The following ANKS1B variants were observed in gnomAD, a reference collection of about 807,000 sequenced individuals.
The protein encoded by ANKS1B is ankyrin repeat and sterile alpha motif domain-containing protein 1B.
Under a neutral mutation model 148.3 loss-of-function variants are expected in ANKS1B, and 36 were observed. The observed-to-expected ratio is 0.24, with a 90% CI of 0.19 to 0.32. The LOEUF (loss-of-function observed/expected upper bound fraction) is 0.32. Among genes scored for constraint, ANKS1B ranks in the 10% least tolerant of loss-of-function variants. ANKS1B has a pLI of 1.00. For missense variants in ANKS1B, 1,157 were observed against 1,542.6 expected (o/e 0.75, Z 4.19); for synonymous variants, 542 against 560.8 (o/e 0.97, Z 0.47).
chr12:99,474,293 G>T (rs1393823805), intron 10 of ANKS1B, among the ~76,000 whole-genome samples: 1 of 151,752 alleles, frequency 6.6e-6, no homozygotes, highest in African/African-American at 2.4e-5. Flanking sequence ...TGTTCATTAA[G>T]GTTTGATAAA....
At chr12:98,974,562 A>T (rs2099888993) in intron 17 of ANKS1B, among the ~76,000 whole-genome samples, 1 of 152,192 alleles carries the variant, frequency 6.6e-6, no homozygotes, top group African/African-American at 2.4e-5. Flanking sequence ...AAACAGTATA[A>T]AAAGGTAAAC....
Position 99,081,124 on chromosome 12 carries a change from T to C in ANKS1B, c.2625+3801A>G, listed in dbSNP as rs76767038. On this transcript the variant is annotated intron_variant, in intron 16 of 26. Coordinates refer to ENST00000683438, the MANE Select transcript of ANKS1B (RefSeq NM_001352186.2). The stretch of plus-strand genomic sequence containing the variant: ...CTTCGCATTGGTGAATATTTCAGTA[T>C]TAAAAAAGACATATTAAAGAATAGC... 4.0e-3 allele frequency among the ~76,000 whole-genome samples: 609 copies of C among 152,288 alleles called. 24 individuals carry two copies. The East Asian group carries it at 0.084, about 21-fold the overall frequency.
At chr12:99,394,796 T>C (rs1036824162) in intron 12 of ANKS1B, among the ~76,000 whole-genome samples, 3 of 152,188 alleles carry the variant, frequency 2.0e-5, no homozygotes, top group Non-Finnish European at 2.9e-5. Context: ...GCATATCATC[T>C]GTATAATGAC....
chr12:98,873,342 G>C (rs1211212915), intron 17 of ANKS1B, among the ~76,000 whole-genome samples: 2 of 152,240 alleles, frequency 1.3e-5, no homozygotes, highest in African/African-American at 2.4e-5. Context: ...AGACTTACTC[G>C]TTAAGTGTTT....
At chr12:98,890,780 AAG>A (rs1026391333) in intron 17 of ANKS1B, among the ~76,000 whole-genome samples, 2 of 152,240 alleles carry the variant, frequency 1.3e-5, no homozygotes, top group African/African-American at 4.8e-5. Context: ...TTGCCAAGAA[AAG>A]AGTGTTGGTC....
intron 12 of ANKS1B, among the ~76,000 whole-genome samples, chr12:99,384,854 G>C (rs2093793129): frequency 6.6e-6 from 1 of 152,080 alleles, no homozygotes. Flanking sequence ...TTTTGTGAGA[G>C]GGGAGCATGT....
chr12:99,184,911 A>C (rs564894610), intron 14 of ANKS1B, among the ~76,000 whole-genome samples: 1 of 152,350 alleles, frequency 6.6e-6, no homozygotes, highest in African/African-American at 2.4e-5. Flanking sequence ...AAATTGATGA[A>C]AAATTCTTAG....
intron 16 of ANKS1B, among the ~76,000 whole-genome samples, chr12:99,061,529 T>A (rs1185717232): frequency 6.6e-6 from 1 of 152,214 alleles, no homozygotes; most frequent in African/African-American, 2.4e-5. Flanking sequence ...AGTAGTGCTT[T>A]GGAGGATGAC....
intron 14 of ANKS1B, among the ~76,000 whole-genome samples, chr12:99,221,918 TGATAGGGA>T (rs1484500229): frequency 6.6e-6 from 1 of 152,150 alleles, no homozygotes; most frequent in Admixed American, 6.5e-5. Context: ...CCATTGTTAT[TGATAGGGA>T]GATAGTTAAA....
At chr12:99,701,790 A>T (rs772793112) in intron 8 of ANKS1B, among the ~76,000 whole-genome samples, 7 of 152,110 alleles carry the variant, frequency 4.6e-5, no homozygotes, top group Non-Finnish European at 8.8e-5. Context: ...GAGAACATGC[A>T]AAGTTTGTCT....
intron 12 of ANKS1B, among the ~76,000 whole-genome samples, chr12:99,352,281 T>G (rs2152390688): frequency 6.6e-6 from 1 of 152,124 alleles, no homozygotes; most frequent in East Asian, 1.9e-4. Context: ...CAATAAACAT[T>G]TAATAAATAC....
At chr12:99,349,472 T>G (rs2152378457) in intron 12 of ANKS1B, among the ~76,000 whole-genome samples, 3 of 151,978 alleles carry the variant, frequency 2.0e-5, no homozygotes, top group Middle Eastern at 6.8e-3. Context: ...GGTTGAAAGT[T>G]AAAGGATAGA....
chr12:98,999,402 A>G (rs1374920465), intron 17 of ANKS1B, among the ~76,000 whole-genome samples: 2 of 152,040 alleles, frequency 1.3e-5, no homozygotes, highest in East Asian at 3.9e-4. Context: ...TGCCCTGGTC[A>G]TTCTGTTTCC....
Position 98,835,218 on chromosome 12 carries a change from A to C in ANKS1B, c.2779-3082T>G, listed in dbSNP as rs570070076. Reference sequence around the variant, plus strand: ...CTTTTGGTTTACTCTCCCACAACTCAATTTTGGGCAGGTTACCTGACTCCT... The same window carrying C: ...CTTTTGGTTTACTCTCCCACAACTCCATTTTGGGCAGGTTACCTGACTCCT... On this transcript the variant is annotated intron_variant, in intron 17 of 26. Transcript: ENST00000683438. 2.6e-5 allele frequency among the ~76,000 whole-genome samples: 4 copies of C among 152,218 alleles called. No homozygotes were observed. The South Asian group carries it at 8.3e-4, about 32-fold the overall frequency.
chr12:99,398,517 T>C (rs2094315716), intron 12 of ANKS1B, among the ~76,000 whole-genome samples: 1 of 152,166 alleles, frequency 6.6e-6, no homozygotes, highest in African/African-American at 2.4e-5. Flanking sequence ...AGTAATTGTT[T>C]ACTTACATGA....
chr12:99,280,862 CTCTGTCTG>C (rs201155175), intron 12 of ANKS1B, among the ~76,000 whole-genome samples: 3 of 150,968 alleles, frequency 2.0e-5, no homozygotes, highest in Admixed American at 6.6e-5. Flanking sequence ...CTCTCTCTCT[CTCTGTCTG>C]TCTCTCTCTC....
chr12:99,972,544 A>T (rs536712733), intron 1 of ANKS1B, among the ~76,000 whole-genome samples: 3 of 152,340 alleles, frequency 2.0e-5, no homozygotes, highest in African/African-American at 7.2e-5. Context: ...CAATTCCATC[A>T]AGAGCTGATG....
intron 5 of ANKS1B, among the ~76,000 whole-genome samples, chr12:99,780,600 G>A (rs1245081150): frequency 6.6e-6 from 1 of 151,892 alleles, no homozygotes; most frequent in Non-Finnish European, 1.5e-5. Context: ...GGTATCTTTG[G>A]GTTATAACTA....
chr12:99,408,125 A>G lies in ANKS1B; in HGVS notation c.1576-8314T>C, dbSNP rs973059659. Reference sequence around the variant, plus strand: ...ACTACCAAGCTATAGTAACCAAAACAGCATGGTTCTGGCATAGAAGCAGAC... The same window carrying G: ...ACTACCAAGCTATAGTAACCAAAACGGCATGGTTCTGGCATAGAAGCAGAC... On this transcript the variant is annotated intron_variant, in intron 11 of 26. Coordinates refer to ENST00000683438, the MANE Select transcript of ANKS1B (RefSeq NM_001352186.2). 1.1e-4 allele frequency among the ~76,000 whole-genome samples: 16 copies of G among 146,282 alleles called. 3 individuals are homozygous for G. The highest frequency in any genetic ancestry group is 4.1e-4 in the African/African-American group (16 of 38,692).
Sources: allele counts gnomAD v4.1 joint callset (sites outside exome capture counted in the v4.1 genomes callset), GRCh38; gene constraint gnomAD v4.1.1; transcripts MANE v1.5; gene names NCBI Gene and HGNC (gene_info 2026-07-23, HGNC 2026-07-21).